Variants in RDH12 observed in about 807,000 individuals in gnomAD.
RDH12 encodes the protein retinol dehydrogenase 12, also known as all-trans and 9-cis retinol dehydrogenase.
A neutral mutation model predicts 34.0 loss-of-function variants in RDH12; 21 were observed. That is an observed-to-expected ratio of 0.62 (90% CI 0.44 to 0.89). The LOEUF is 0.89. Ranked by LOEUF, RDH12 falls within the 40% of genes least tolerant of loss-of-function variation. The pLI is 0.00. For synonymous variants in RDH12, 198 were observed against 169.9 expected, an observed-to-expected ratio of 1.17 and a Z score of -1.29; for missense variants, 394 against 398.6, an observed-to-expected ratio of 0.99 and a Z score of 0.10.
intron 1 of RDH12, among the ~76,000 whole-genome samples, chr14:67,713,391 A>G (rs1239429773): frequency 1.4e-5 from 2 of 141,854 alleles, no homozygotes; most frequent in African/African-American, 2.7e-5. Flanking sequence ...AAAGCAAGTA[A>G]AACTCCAAAA....
Position 67,733,142 on chromosome 14 carries a change from C to CA in RDH12, c.849-595dup, listed in dbSNP as rs940637175. Among the ~76,000 whole-genome samples, 41 of 145,958 alleles carry CA rather than the reference C, an allele frequency of 2.8e-4. 1 individual carries two copies. The highest frequency in any genetic ancestry group is 2.0e-3 in the South Asian group (9 of 4,560). On this transcript the variant is annotated intron_variant, in intron 8 of 8. Coordinates refer to ENST00000551171, the MANE Select transcript of RDH12 (RefSeq NM_152443.3). Reference sequence around the variant, plus strand: ...ATAATAATAATAAAATTAAAAAAAACAAAAAAAAACATGATGAGAACTGTG... The same window carrying CA: ...ATAATAATAATAAAATTAAAAAAAACAAAAAAAAAACATGATGAGAACTGTG...
At chr14:67,724,983 C>T (rs979697813) in intron 4 of RDH12, 116 bp from the exon 5 acceptor site, 3 of 1,191,280 alleles carry the variant, frequency 2.5e-6, no homozygotes, top group South Asian at 1.2e-5. Context: ...TTCACTCTAC[C>T]GTTGAAGGAT....
chr14:67,725,695 T>G (rs1327925481), intron 5 of RDH12, among the ~76,000 whole-genome samples: 2 of 152,218 alleles, frequency 1.3e-5, no homozygotes, highest in Non-Finnish European at 2.9e-5. Flanking sequence ...GTGTTACCAC[T>G]GGATTCCTAG....
intron 3 of RDH12, among the ~76,000 whole-genome samples, 174 bp from the exon 4 acceptor site, chr14:67,724,299 C>G (rs1447740087): frequency 6.6e-6 from 1 of 152,152 alleles, no homozygotes. Context: ...AGGCGACTAC[C>G]TTGCCCCATG....
Position 67,726,045 on chromosome 14 carries a change from C to A in RDH12, c.344-6C>A, listed in dbSNP as rs747236322. On this transcript the variant is annotated splice_region_variant and splice_polypyrimidine_tract_variant and intron_variant, in intron 5 of 8. Transcript: ENST00000551171. ...ACCATAGGATCTCTTTGGTTGTGCC[C>A]TATAGAGGAAAAGCAGCTCCATATT... is the stretch of plus-strand genomic sequence containing the variant. The A allele has an allele frequency of 1.6e-5, 25 of 1,604,298 alleles. No individual in the cohort carries two copies. The highest frequency in any genetic ancestry group is 1.9e-5 in the Non-Finnish European group (22 of 1,171,184).
intron 5 of RDH12, 151 bp downstream of exon 5, chr14:67,725,405 A>G (rs752007211): frequency 4.9e-6 from 4 of 821,814 alleles, no homozygotes; most frequent in Non-Finnish European, 8.2e-6. Context: ...GGAATTGGCA[A>G]GAGGATGGTG....
At chr14:67,706,077 CAGCATCA>C (rs2037947240) in intron 1 of RDH12, 1 of 152,036 alleles carries the variant, frequency 6.6e-6, no homozygotes, top group Non-Finnish European at 1.5e-5. Context: ...ACATTAAGTT[CAGCATCA>C]ATATAGTGAC....
At chr14:67,718,056 C>A (rs1450845185) in intron 1 of RDH12, among the ~76,000 whole-genome samples, 3 of 152,146 alleles carry the variant, frequency 2.0e-5, no homozygotes, top group Non-Finnish European at 4.4e-5. Flanking sequence ...GAAAAAGGAA[C>A]AACAAGTCAT....
intron 1 of RDH12, among the ~76,000 whole-genome samples, chr14:67,713,613 T>C (rs1461498197): frequency 6.6e-6 from 1 of 152,146 alleles, no homozygotes; most frequent in Non-Finnish European, 1.5e-5. Flanking sequence ...TTGAGAATCC[T>C]TTTGTGGTTA....
intron 8 of RDH12, 58 bp downstream of exon 8, chr14:67,729,438 C>T (rs765021567): frequency 3.9e-6 from 6 of 1,531,268 alleles, no homozygotes; most frequent in Non-Finnish European, 4.5e-6. Context: ...GTGCCGGACT[C>T]GCTGGGCTGT....
intron 1 of RDH12, among the ~76,000 whole-genome samples, chr14:67,719,848 C>G (rs932098245): frequency 6.6e-6 from 1 of 152,104 alleles, no homozygotes; most frequent in Non-Finnish European, 1.5e-5. Context: ...TTTTTTACAG[C>G]TGTATACTAT....
At chr14:67,732,612 T>C (rs2038296851) in intron 8 of RDH12, among the ~76,000 whole-genome samples, 1 of 152,000 alleles carries the variant, frequency 6.6e-6, no homozygotes, top group South Asian at 2.1e-4. Flanking sequence ...GTTTCGGTCT[T>C]GTCGCCCAGG....
intron 1 of RDH12, among the ~76,000 whole-genome samples, chr14:67,708,235 A>T (rs1054722303): frequency 2.0e-5 from 3 of 152,180 alleles, no homozygotes; most frequent in African/African-American, 7.2e-5. Flanking sequence ...AAAAAAAAGG[A>T]TCAGCAACGT....
At chr14:67,702,542 C>G (rs2037910351) in intron 1 of RDH12, among the ~76,000 whole-genome samples, 1 of 152,120 alleles carries the variant, frequency 6.6e-6, no homozygotes, top group South Asian at 2.1e-4. Flanking sequence ...AAGTATAAAT[C>G]TGACCATAAA....
rs189597156 is a variant in RDH12, at chr14:67,714,095, A to T, written c.-274-6753A>T. On this transcript the variant is annotated intron_variant, in intron 1 of 8. Transcript: ENST00000551171. ...TTTCACAGTAGCAACTATTAGATTT[A>T]AAAAAATTGTAATTTCCTATTTACT... Among the ~76,000 whole-genome samples the T allele has an allele frequency of 5.5e-3, 832 of 152,234 alleles. 10 individuals carry two copies. Among genetic ancestry groups the T allele is most frequent in the African/African-American group, 0.019 (792 of 41,540 alleles).
intron 1 of RDH12, among the ~76,000 whole-genome samples, chr14:67,704,792 T>C (rs1345954348): frequency 6.6e-6 from 1 of 152,192 alleles, no homozygotes; most frequent in African/African-American, 2.4e-5. Flanking sequence ...TAGCAGCAGC[T>C]CTCGTTCTGA....
chr14:67,729,189 A>C lies in RDH12; in HGVS notation c.659-2A>C, dbSNP rs2038231425. Reference sequence around the variant, plus strand: ...GATCTAATTGTGCCCTCTTTGTCCCAGGCACCGGGGTCACCACCTACGCAG... The same window carrying C: ...GATCTAATTGTGCCCTCTTTGTCCCCGGCACCGGGGTCACCACCTACGCAG... On this transcript the variant is annotated splice_acceptor_variant, in intron 7 of 8. Coordinates refer to ENST00000551171, the MANE Select transcript of RDH12 (RefSeq NM_152443.3). LOFTEE classifies it high-confidence loss of function. 6.2e-7 allele frequency: 1 copy of C among 1,612,852 alleles called. No homozygotes were observed.
intron 1 of RDH12, among the ~76,000 whole-genome samples, chr14:67,719,593 G>C (rs1254248575): frequency 1.3e-5 from 2 of 152,024 alleles, no homozygotes; most frequent in Non-Finnish European, 2.9e-5. Flanking sequence ...TCCTGCCTCA[G>C]CCTCCCAAGT....
At chr14:67,723,603 T>C (rs762949206) in intron 3 of RDH12, among the ~76,000 whole-genome samples, 1 of 152,200 alleles carries the variant, frequency 6.6e-6, no homozygotes, top group Non-Finnish European at 1.5e-5. Context: ...AGGTTCTCCA[T>C]AGAGATCTGG....
Sources: gnomAD v4.1 joint callset for allele counts (sites outside exome capture counted in the v4.1 genomes callset) on GRCh38, gnomAD v4.1.1 for gene constraint, MANE v1.5 for transcripts, NCBI Gene and HGNC (gene_info 2026-07-23, HGNC 2026-07-21) for gene names.